Variants in RILPL1 observed in about 807,000 individuals in gnomAD.
The protein encoded by RILPL1 is Rab interacting lysosomal protein like 1, also known as RILP-like protein 1.
RILPL1 carries 33 observed loss-of-function variants against 50.3 expected under a neutral mutation model. The ratio of observed to expected loss-of-function variants is 0.66; its 90% CI spans 0.50 to 0.88. The LOEUF is 0.88. RILPL1 is among the 40% of genes least tolerant of loss of function. The pLI, the probability that RILPL1 is intolerant of heterozygous loss-of-function variation, is 0.00. For missense variants in RILPL1, 418 were observed against 542.5 expected, an observed-to-expected ratio of 0.77 and a Z score of 2.28; for synonymous variants, 205 against 228.6, an observed-to-expected ratio of 0.90 and a Z score of 0.93.
At chr12:123,531,872 A>G (rs1326258548) in intron 1 of RILPL1, among the ~76,000 whole-genome samples, 1 of 152,170 alleles carries the variant, frequency 6.6e-6, no homozygotes, top group South Asian at 2.1e-4. Flanking sequence ...AGGAGTCTTG[A>G]AATTAATTAC....
intron 6 of RILPL1, chr12:123,475,897 A>ATT (rs375190049): frequency 1.6e-3 from 644 of 392,602 alleles, no homozygotes; most frequent in Non-Finnish European, 2.2e-3. Flanking sequence ...TTCACTTAAA[A>ATT]TTTTTTTTTT....
intron 6 of RILPL1, among the ~76,000 whole-genome samples, chr12:123,477,202 T>A (rs528752391): frequency 4.3e-4 from 66 of 152,318 alleles, no homozygotes; most frequent in Middle Eastern, 3.4e-3. Context: ...ATAATTTTTT[T>A]AAAAAGTTGG....
chr12:123,499,300 C>T (rs778343159), intron 3 of RILPL1, 118 bp downstream of exon 3: 43 of 697,194 alleles, frequency 6.2e-5, no homozygotes, highest in Non-Finnish European at 1.1e-4. Flanking sequence ...ATCCACACCC[C>T]ACGGAGCCCC....
chr12:123,492,843 G>A (rs866879797), intron 4 of RILPL1, among the ~76,000 whole-genome samples: 6 of 143,594 alleles, frequency 4.2e-5, no homozygotes, highest in Admixed American at 1.4e-4. Flanking sequence ...GGTGCAAGAT[G>A]TGCTTTGTTT....
At chr12:123,506,550 T>C (rs1426334049) in intron 2 of RILPL1, among the ~76,000 whole-genome samples, 1 of 152,072 alleles carries the variant, frequency 6.6e-6, no homozygotes, top group African/African-American at 2.4e-5. Context: ...GAAAGGACCC[T>C]GCAGTGCAGG....
At chr12:123,518,161 G>A (rs2139376768) in intron 2 of RILPL1, among the ~76,000 whole-genome samples, 1 of 152,214 alleles carries the variant, frequency 6.6e-6, no homozygotes, top group South Asian at 2.1e-4. Flanking sequence ...GGTGGCGGCT[G>A]CACAAGACTG....
chr12:123,476,675 G>T (rs1001274727), intron 6 of RILPL1, among the ~76,000 whole-genome samples: 1 of 152,100 alleles, frequency 6.6e-6, no homozygotes, highest in Non-Finnish European at 1.5e-5. Flanking sequence ...GAGGTGTGGG[G>T]CAGATTCTCC....
At chr12:123,505,272 T>A (rs930885761) in intron 2 of RILPL1, among the ~76,000 whole-genome samples, 9 of 152,214 alleles carry the variant, frequency 5.9e-5, no homozygotes, top group African/African-American at 2.2e-4. Flanking sequence ...CCTCAAGTGA[T>A]CTGCCCTCCT....
intron 2 of RILPL1, among the ~76,000 whole-genome samples, chr12:123,500,522 T>C (rs1342566154): frequency 1.3e-5 from 2 of 151,282 alleles, no homozygotes; most frequent in African/African-American, 4.8e-5. Flanking sequence ...TGACTTCAAG[T>C]GATCCGCCCA....
At chr12:123,497,690 C>G (rs1208933601) in intron 4 of RILPL1, among the ~76,000 whole-genome samples, 1 of 152,066 alleles carries the variant, frequency 6.6e-6, no homozygotes, top group East Asian at 1.9e-4. Context: ...CCATACCCAG[C>G]CCAAAAGCAA....
At position 123,499,548 on chromosome 12, in the gene RILPL1, A is replaced by C; in HGVS notation, c.461-12T>G. On this transcript the variant is annotated splice_polypyrimidine_tract_variant and intron_variant, in intron 2 of 6. Coordinates refer to ENST00000376874, the MANE Select transcript of RILPL1 (RefSeq NM_178314.5). Reference sequence around the variant, plus strand: ...CCGCTCTGACATGCCTGGGTGGGCAAGTGAGACCGGCAGGTGAGCCCGCCT... The same window carrying C: ...CCGCTCTGACATGCCTGGGTGGGCACGTGAGACCGGCAGGTGAGCCCGCCT... 6.3e-7 allele frequency: 1 copy of C among 1,595,912 alleles called. No individual in the cohort carries two copies.
rs1176735237 is a variant in RILPL1, at chr12:123,472,255, G to A, written c.*283C>T. On this transcript the variant is annotated 3_prime_UTR_variant, in exon 7 of 7. Coordinates refer to ENST00000376874, the MANE Select transcript of RILPL1 (RefSeq NM_178314.5). Reference sequence around the variant, plus strand: ...AGAAGCTTGTGTTACTGAAGTTAACGCAGAAGTCTGGCCTCCGTTTGTGGG... The same window carrying A: ...AGAAGCTTGTGTTACTGAAGTTAACACAGAAGTCTGGCCTCCGTTTGTGGG... 16 of 354,682 alleles carry A rather than the reference G, an allele frequency of 4.5e-5. No individual in the cohort carries two copies. The highest frequency in any genetic ancestry group is 7.2e-5 in the Non-Finnish European group (14 of 193,522). 22.0% of individuals were successfully genotyped at this position (354,682 alleles called of 1,614,324 possible). A position where few individuals can be genotyped will look rare whatever the true frequency, so the allele number is the denominator to read the frequency against.
At chr12:123,476,581 GA>G (rs1881605922) in intron 6 of RILPL1, among the ~76,000 whole-genome samples, 1 of 152,090 alleles carries the variant, frequency 6.6e-6, no homozygotes, top group African/African-American at 2.4e-5. Flanking sequence ...GATGGCATGT[GA>G]GGAAGGTGGA....
At chr12:123,501,557 C>T (rs547890628) in intron 2 of RILPL1, among the ~76,000 whole-genome samples, 26 of 152,058 alleles carry the variant, frequency 1.7e-4, no homozygotes, top group African/African-American at 5.3e-4. Flanking sequence ...GTCAAGAGAT[C>T]GAGACCATCC....
intron 2 of RILPL1, among the ~76,000 whole-genome samples, chr12:123,511,363 GTGTCT>G (rs1884175961): frequency 7.2e-6 from 1 of 139,856 alleles, no homozygotes; most frequent in Non-Finnish European, 1.6e-5. Flanking sequence ...TCTGTGTGTG[GTGTCT>G]GTGTGAGGTC....
Position 123,491,249 on chromosome 12 carries a change from C to T in RILPL1, c.802-5444G>A, listed in dbSNP as rs541126730. Among the ~76,000 whole-genome samples, 12 of 152,278 alleles carry T rather than the reference C, an allele frequency of 7.9e-5. No individual in the cohort carries two copies. The South Asian group carries it at 1.9e-3, about 24-fold the overall frequency. Reference sequence around the variant, plus strand: ...GTGGTCCTCCTAGGCTTACTCCATGCGGGACCGGGAGGTGGCTCGGGTTAG... The same window carrying T: ...GTGGTCCTCCTAGGCTTACTCCATGTGGGACCGGGAGGTGGCTCGGGTTAG... On this transcript the variant is annotated intron_variant, in intron 4 of 6. Coordinates refer to ENST00000376874, the MANE Select transcript of RILPL1 (RefSeq NM_178314.5). The surrounding 1 kb of genome is among the most constrained non-coding windows in gnomAD (Gnocchi z 4.0).
At chr12:123,512,281 G>A (rs1884356821) in intron 2 of RILPL1, among the ~76,000 whole-genome samples, 1 of 9,316 alleles carries the variant, frequency 1.1e-4, no homozygotes, top group Non-Finnish European at 1.8e-4. Context: ...TGTGTGGGTG[G>A]TGTGTGAGGT....
intron 1 of RILPL1, among the ~76,000 whole-genome samples, chr12:123,525,420 C>T (rs1371013662): frequency 1.4e-5 from 2 of 139,658 alleles, no homozygotes; most frequent in Non-Finnish European, 3.1e-5. Context: ...GTATTGCTGG[C>T]TGAGTGTGGT....
rs1881146348 is a variant in RILPL1 at position 123,470,634 on chromosome 12, A to C, written c.*1904T>G. ...CCCCGTCTTTACTAAAAATACAAAAATTAGTCAGGTATGGTGGCACACACA... is the reference window on the plus strand; with the variant it reads ...CCCCGTCTTTACTAAAAATACAAAACTTAGTCAGGTATGGTGGCACACACA... On this transcript the variant is annotated 3_prime_UTR_variant, in exon 7 of 7. Coordinates refer to ENST00000376874, the MANE Select transcript of RILPL1 (RefSeq NM_178314.5). The C allele has an allele frequency of 6.6e-6, 1 of 152,024 alleles. No homozygotes were observed. Among genetic ancestry groups the C allele is most frequent in the Non-Finnish European group, 1.5e-5 (1 of 68,048 alleles). 9.4% of individuals were successfully genotyped at this position (152,024 alleles called of 1,614,324 possible).
Sources: allele counts gnomAD v4.1 joint callset (sites outside exome capture counted in the v4.1 genomes callset), GRCh38; gene constraint gnomAD v4.1.1; non-coding constraint Gnocchi (gnomAD v3.1); transcripts MANE v1.5; gene names NCBI Gene and HGNC (gene_info 2026-07-23, HGNC 2026-07-21).